The following LCLAT1 variants were observed in gnomAD, a reference collection of about 807,000 sequenced individuals.
The protein encoded by LCLAT1 is lysocardiolipin acyltransferase 1.
In LCLAT1, 11 loss-of-function variants were observed where a neutral mutation model predicts 30.7. The observed-to-expected ratio is 0.36, with a 90% confidence interval of 0.23 to 0.59. The LOEUF is 0.59. Ranked by LOEUF, LCLAT1 falls within the 20% of genes least tolerant of loss-of-function variation. The pLI, the probability that LCLAT1 is intolerant of heterozygous loss-of-function variation, is 0.77. For synonymous variants in LCLAT1, 155 were observed against 151.3 expected, an observed-to-expected ratio of 1.02 and a Z score of -0.18; for missense variants, 402 against 458.6, an observed-to-expected ratio of 0.88 and a Z score of 1.13.
chr2:30,544,135 A>G (rs1294853581), intron 3 of LCLAT1, among the ~76,000 whole-genome samples: 1 of 152,140 alleles, frequency 6.6e-6, no homozygotes, highest in Non-Finnish European at 1.5e-5. Flanking sequence ...GGAGAAGGGA[A>G]CATACTCTTA....
At chr2:30,543,368 G>C (rs943025355) in intron 3 of LCLAT1, among the ~76,000 whole-genome samples, 1 of 151,964 alleles carries the variant, frequency 6.6e-6, no homozygotes, top group African/African-American at 2.4e-5. Context: ...AGCTTTAAAG[G>C]GTTTTTGTAT....
intron 1 of LCLAT1, among the ~76,000 whole-genome samples, chr2:30,524,414 C>G (rs1685613499): frequency 6.6e-6 from 1 of 152,172 alleles, no homozygotes; most frequent in African/African-American, 2.4e-5. Flanking sequence ...GCTAACTTGT[C>G]ATTGTTTTTA....
intron 1 of LCLAT1, among the ~76,000 whole-genome samples, chr2:30,475,172 T>G (rs950769186): frequency 6.6e-6 from 1 of 151,570 alleles, no homozygotes; most frequent in Non-Finnish European, 1.5e-5. Flanking sequence ...TAATAAATTT[T>G]TTTTTTTGTA....
chr2:30,539,426 T>C (rs977158347), intron 3 of LCLAT1, among the ~76,000 whole-genome samples: 4 of 151,994 alleles, frequency 2.6e-5, no homozygotes, highest in African/African-American at 9.7e-5. Context: ...GCCTGGCTAA[T>C]TTTTTTAAAA....
intron 1 of LCLAT1, among the ~76,000 whole-genome samples, chr2:30,476,136 A>G (rs1340916810): frequency 1.3e-5 from 2 of 152,234 alleles, no homozygotes; most frequent in Non-Finnish European, 2.9e-5. Context: ...AGAGGATGAA[A>G]TAAAGTAGCT....
chr2:30,519,473 A>G (rs557475140), intron 1 of LCLAT1, among the ~76,000 whole-genome samples: 1 of 152,218 alleles, frequency 6.6e-6, no homozygotes, highest in African/African-American at 2.4e-5. Context: ...CCCCAACAGC[A>G]CTTGGGTTTT....
chr2:30,494,554 G>A (rs899705813), intron 1 of LCLAT1, among the ~76,000 whole-genome samples: 33 of 51,328 alleles, frequency 6.4e-4, no homozygotes, highest in African/African-American at 1.3e-3. Context: ...ATACACACAC[G>A]CATACGTGCA....
rs774716051 is a variant in LCLAT1 at position 30,568,164 on chromosome 2, C to T, written c.616C>T (p.Arg206Cys). 8.2e-6 allele frequency: 13 copies of T among 1,576,810 alleles called. No homozygotes were observed. The highest frequency in any genetic ancestry group is 1.7e-4 in the Middle Eastern group (1 of 5,950). Reference protein sequence around the residue: ...RTTGFTFVVDRLREGKNLDAV... With the variant: ...RTTGFTFVVDCLREGKNLDAV... ...TACAGGCTTTACTTTTGTGGTAGAC[C>T]GTCTAAGAGAAGGTAAGCACCCATT... Residue 206 changes from arginine (R) to cysteine (C), a missense_variant, in exon 5 of 6, where the codon CGT becomes TGT. Physicochemically the swap from Arg to Cys is radical, Grantham distance 180. Coordinates refer to ENST00000379509, the MANE Select transcript of LCLAT1 (RefSeq NM_001002257.3).
At chr2:30,467,554 G>A (rs552383962) in intron 1 of LCLAT1, among the ~76,000 whole-genome samples, 26 of 152,262 alleles carry the variant, frequency 1.7e-4, no homozygotes, top group South Asian at 8.3e-4. Context: ...AGTCCCACCA[G>A]CAGTGTAAAA....
At chr2:30,498,950 A>G (rs572815599) in intron 1 of LCLAT1, among the ~76,000 whole-genome samples, 1 of 152,312 alleles carries the variant, frequency 6.6e-6, no homozygotes, top group South Asian at 2.1e-4. Flanking sequence ...TTAAATGTAG[A>G]TTATATAAGG....
At chr2:30,490,219 T>TC (rs1683772909) in intron 1 of LCLAT1, among the ~76,000 whole-genome samples, 1 of 151,066 alleles carries the variant, frequency 6.6e-6, no homozygotes, top group African/African-American at 2.4e-5. Flanking sequence ...TTTTTTTTTT[T>TC]TGAGACAGAG....
intron 1 of LCLAT1, among the ~76,000 whole-genome samples, chr2:30,477,355 T>C (rs1174591328): frequency 6.6e-6 from 1 of 152,208 alleles, no homozygotes; most frequent in African/African-American, 2.4e-5. Context: ...GTGCTTGTTG[T>C]TTGGAGAAAA....
chr2:30,602,953 T>G (rs1419038127), intron 5 of LCLAT1, among the ~76,000 whole-genome samples: 2 of 152,184 alleles, frequency 1.3e-5, no homozygotes, highest in African/African-American at 4.8e-5. Context: ...CAGCATGGAT[T>G]TGAGAACTGG....
chr2:30,513,291 T>C (rs1047759438), intron 1 of LCLAT1, among the ~76,000 whole-genome samples: 3 of 151,668 alleles, frequency 2.0e-5, no homozygotes, highest in African/African-American at 7.3e-5. Context: ...TTTAACTATA[T>C]GTATTTAAAT....
intron 1 of LCLAT1, among the ~76,000 whole-genome samples, chr2:30,496,076 G>A (rs1015280271): frequency 7.9e-5 from 12 of 152,214 alleles, no homozygotes; most frequent in Admixed American, 2.6e-4. Flanking sequence ...GGGGAAGCTG[G>A]ATTGCCTTAC....
intron 5 of LCLAT1, among the ~76,000 whole-genome samples, chr2:30,620,785 G>A (rs2602807): frequency 0.87 from 132,167 of 152,170 alleles, 57,728 homozygotes; most frequent in African/African-American, 0.94. Context: ...TAAAAAATTC[G>A]TTTTCTTATA....
intron 4 of LCLAT1, among the ~76,000 whole-genome samples, chr2:30,563,742 A>G (rs992705858): frequency 1.3e-5 from 2 of 152,264 alleles, no homozygotes; most frequent in Non-Finnish European, 2.9e-5. Context: ...ATAATAATTT[A>G]TGGAACTCAT....
chr2:30,642,522 A>G lies in LCLAT1; in HGVS notation c.*1903A>G, dbSNP rs1357520461. ...TGTATTTAGAAACACAAATAGTTTT[A>G]TAATCAGGATTGCATTTGTGCTGGG... On this transcript the variant is annotated 3_prime_UTR_variant, in exon 6 of 6. Coordinates refer to ENST00000379509, the MANE Select transcript of LCLAT1 (RefSeq NM_001002257.3). 1 of 150,946 alleles carries G rather than the reference A, an allele frequency of 6.6e-6. No homozygotes were observed. Among genetic ancestry groups the G allele is most frequent in the African/African-American group, 2.4e-5 (1 of 41,034 alleles). The allele number at this position is 150,946 out of a possible 1,614,324, so 9.4% of individuals were successfully genotyped here.
intron 1 of LCLAT1, among the ~76,000 whole-genome samples, chr2:30,465,320 C>T (rs1401210060): frequency 2.0e-5 from 3 of 152,178 alleles, no homozygotes; most frequent in Non-Finnish European, 4.4e-5. Context: ...GGCATTCCCA[C>T]AGCCATCAAC....
Sources: gnomAD v4.1 joint callset for allele counts (sites outside exome capture counted in the v4.1 genomes callset) on GRCh38, gnomAD v4.1.1 for gene constraint, MANE v1.5 for transcripts, NCBI Gene and HGNC (gene_info 2026-07-23, HGNC 2026-07-21) for gene names.